HDAC9: variants seen among roughly 807,000 people sequenced by gnomAD.
HDAC9 encodes MEF-2 interacting transcription repressor (MITR) protein.
HDAC9 carries 41 observed loss-of-function variants against 139.4 expected under a neutral mutation model. That is an observed-to-expected ratio of 0.29 (90% CI 0.23 to 0.38). HDAC9 has a LOEUF of 0.38. HDAC9 is among the 10% of genes least tolerant of loss of function. The probability of loss-of-function intolerance (pLI) is 1.00; values close to 1 mark genes in which losing one functional copy is unlikely to be tolerated. For synonymous variants in HDAC9, 517 were observed against 476.2 expected (o/e 1.09, Z -1.12); for missense variants, 1,147 against 1,297.0 (o/e 0.88, Z 1.78).
chr7:18,769,687 G>A (rs1790121011), intron 16 of HDAC9, among the ~76,000 whole-genome samples: 1 of 151,914 alleles, frequency 6.6e-6, no homozygotes, highest in South Asian at 2.1e-4. Flanking sequence ...CAGATTTTTG[G>A]TTTTGGTACA....
chr7:18,464,788 A>G (rs213272), intron 1 of HDAC9, among the ~76,000 whole-genome samples: 64,375 of 151,710 alleles, frequency 0.42, 14,765 homozygotes, highest in African/African-American at 0.59. Context: ...AATCCTACAT[A>G]GAGTGTTTTG....
At chr7:18,158,622 A>G (rs969833613) in intron 1 of HDAC9, among the ~76,000 whole-genome samples, 1 of 152,220 alleles carries the variant, frequency 6.6e-6, no homozygotes, top group Admixed American at 6.5e-5. Flanking sequence ...TGGGAATAAT[A>G]ACAGCTGATT....
At chr7:18,745,842 G>A (rs1787911181) in intron 13 of HDAC9, among the ~76,000 whole-genome samples, 2 of 150,558 alleles carry the variant, frequency 1.3e-5, no homozygotes, top group East Asian at 1.9e-4. Context: ...CACCGTGCCC[G>A]GCCCGACTCT....
At chr7:18,648,398 GTGTGTGTGTGTA>G (rs1405934176) in intron 10 of HDAC9, 56 bp from the exon 11 acceptor site, 4 of 1,148,724 alleles carry the variant, frequency 3.5e-6, no homozygotes, top group Admixed American at 3.9e-5. Flanking sequence ...TCTTAAAATT[GTGTGTGTGTGTA>G]TGTGTGTGTG....
chr7:18,355,506 A>G (rs1783186463), intron 1 of HDAC9, among the ~76,000 whole-genome samples: 1 of 152,210 alleles, frequency 6.6e-6, no homozygotes, highest in Non-Finnish European at 1.5e-5. Flanking sequence ...ATGAAGGCAG[A>G]TATTTAAACC....
intron 2 of HDAC9, among the ~76,000 whole-genome samples, chr7:18,183,311 G>T (rs898343206): frequency 4.6e-5 from 7 of 152,146 alleles, no homozygotes; most frequent in African/African-American, 1.7e-4. Context: ...GCCCAGCCAT[G>T]GTTTGTTTTT....
At chr7:18,477,044 A>G (rs917067931) in intron 1 of HDAC9, among the ~76,000 whole-genome samples, 6 of 152,194 alleles carry the variant, frequency 3.9e-5, no homozygotes, top group African/African-American at 1.2e-4. Flanking sequence ...TGCCTTTGGT[A>G]CTGAACACCC....
intron 1 of HDAC9, among the ~76,000 whole-genome samples, chr7:18,418,455 G>A (rs1400906708): frequency 1.4e-5 from 2 of 139,232 alleles, no homozygotes; most frequent in Non-Finnish European, 3.1e-5. Context: ...ACAGCTACAC[G>A]AACACTTAAA....
At chr7:18,649,875 T>A (rs546574128) in intron 11 of HDAC9, among the ~76,000 whole-genome samples, 11 of 152,190 alleles carry the variant, frequency 7.2e-5, no homozygotes, top group African/African-American at 2.4e-4. Flanking sequence ...ATGTGTGGGA[T>A]TGGGGTGCTA....
intron 1 of HDAC9, among the ~76,000 whole-genome samples, chr7:18,438,773 T>G (rs1181623452): frequency 1.3e-5 from 2 of 152,112 alleles, no homozygotes; most frequent in African/African-American, 2.4e-5. Context: ...TTAATAATTG[T>G]TAATTCTATA....
At chr7:18,577,093 A>C (rs1447638154) in intron 2 of HDAC9, among the ~76,000 whole-genome samples, 1 of 152,242 alleles carries the variant, frequency 6.6e-6, no homozygotes, top group African/African-American at 2.4e-5. Context: ...AGATAAGGGA[A>C]ACTTTTTTTA....
chr7:18,774,463 G>C (rs1790585035), intron 16 of HDAC9, among the ~76,000 whole-genome samples: 1 of 151,978 alleles, frequency 6.6e-6, no homozygotes, highest in African/African-American at 2.4e-5. Context: ...ACAATAAAGT[G>C]AGTCACACAA....
chr7:18,307,141 G>A (rs1453265926), intron 1 of HDAC9, among the ~76,000 whole-genome samples: 1 of 117,232 alleles, frequency 8.5e-6, no homozygotes, highest in African/African-American at 3.1e-5. Context: ...GTGTGTGTGT[G>A]TGTTTGTATA....
intron 16 of HDAC9, among the ~76,000 whole-genome samples, chr7:18,769,075 G>A (rs1214855731): frequency 6.6e-6 from 1 of 152,130 alleles, no homozygotes; most frequent in Non-Finnish European, 1.5e-5. Flanking sequence ...TCAAACTACA[G>A]TGGGTTTATC....
intron 2 of HDAC9, among the ~76,000 whole-genome samples, chr7:18,548,386 G>A (rs962649431): frequency 3.9e-5 from 6 of 152,132 alleles, no homozygotes; most frequent in Non-Finnish European, 8.8e-5. Flanking sequence ...CATAAAGTGA[G>A]CACATGCTGC....
intron 2 of HDAC9, among the ~76,000 whole-genome samples, chr7:18,279,090 A>C (rs182175150): frequency 1.4e-4 from 22 of 152,340 alleles, no homozygotes; most frequent in African/African-American, 5.3e-4. Context: ...AATAAAGTAC[A>C]ACTAAATCTC....
chr7:18,623,812 C>T (rs1324401761), intron 6 of HDAC9, among the ~76,000 whole-genome samples: 26 of 152,098 alleles, frequency 1.7e-4, no homozygotes. Flanking sequence ...TGTGGTGGCA[C>T]GCCCCTATAA....
At chr7:18,366,149 T>A (rs1008877743) in intron 1 of HDAC9, among the ~76,000 whole-genome samples, 44 of 152,102 alleles carry the variant, frequency 2.9e-4, no homozygotes, top group African/African-American at 1.0e-3. Flanking sequence ...TTTCCGTTGC[T>A]TTATGTATTA....
At chr7:18,723,442 T>C (rs1194986516) in intron 12 of HDAC9, among the ~76,000 whole-genome samples, 1 of 152,184 alleles carries the variant, frequency 6.6e-6, no homozygotes, top group Non-Finnish European at 1.5e-5. Flanking sequence ...GTCTGTACAG[T>C]GCAGCACAAG....
Sources: allele counts gnomAD v4.1 joint callset (sites outside exome capture counted in the v4.1 genomes callset), GRCh38; gene constraint gnomAD v4.1.1; transcripts MANE v1.5; gene names NCBI Gene and HGNC (gene_info 2026-07-23, HGNC 2026-07-21).